The following ZFR2 variants were observed in gnomAD, a reference collection of about 807,000 sequenced individuals.
ZFR2 encodes zinc finger RNA-binding protein 2.
A neutral mutation model predicts 105.7 loss-of-function variants in ZFR2; 104 were observed. The observed-to-expected ratio is 0.98, with a 90% CI of 0.84 to 1.16. The LOEUF (loss-of-function observed/expected upper bound fraction) is 1.16. Ranked by LOEUF, ZFR2 falls within the 50% of genes most tolerant of loss-of-function variation. ZFR2 has a pLI of 0.00. For synonymous variants in ZFR2, 634 were observed against 597.7 expected (o/e 1.06, Z -0.89); for missense variants, 1,425 against 1,355.5 (o/e 1.05, Z -0.80).
chr19:3,827,015 G>A (rs1787540555), intron 6 of ZFR2, among the ~76,000 whole-genome samples: 1 of 152,114 alleles, frequency 6.6e-6, no homozygotes. Context: ...GCTGAGGCGG[G>A]CAGATCACTT....
intron 12 of ZFR2, among the ~76,000 whole-genome samples, chr19:3,817,556 C>T (rs999564717): frequency 3.8e-5 from 5 of 131,828 alleles, no homozygotes; most frequent in Non-Finnish European, 7.9e-5. Context: ...AAGACTCCAT[C>T]TCAAAATAAT....
In ZFR2 at chr19:3,819,069, C is replaced by A; in HGVS notation, c.1907G>T (p.Arg636Leu). 6.2e-7 allele frequency: 1 copy of A among 1,612,190 alleles called. No homozygotes were observed. Among genetic ancestry groups the A allele is most frequent in the Non-Finnish European group, 8.5e-7 (1 of 1,179,692 alleles). ...DTLAEEDRGRREEEGDKRSSV... is the reference protein window; with the variant it reads ...DTLAEEDRGRLEEEGDKRSSV... ...CCTGCGCTTGTCACCCTCTTCCTCT[C>A]GGCGGCCCCGGTCCTCCTCGGCCAG... The change falls in exon 12 of 19, where the codon CGA (arginine) becomes CTA (leucine). Residue 636 changes from arginine to leucine, a missense_variant. Arg to Leu is a moderately radical substitution (Grantham distance 102, BLOSUM62 -2). Coordinates refer to ENST00000262961, the MANE Select transcript of ZFR2 (RefSeq NM_015174.2).
In ZFR2 at chr19:3,839,536, CAAAAAAAAAAAAAAAAAAAAAAAAA is replaced by C. The variant is rs60712587; in HGVS notation, c.54-4578_54-4554del. ...CCTGGGTGACAGAGCGGGATTCTGT[CAAAAAAAAAAAAAAAAAAAAAAAAA>C]AAAAAAAAAAAAAAAAAGCAGAAAG... On this transcript the variant is annotated intron_variant, in intron 1 of 18. Coordinates refer to ENST00000262961, the MANE Select transcript of ZFR2 (RefSeq NM_015174.2). 2.3e-3 allele frequency among the ~76,000 whole-genome samples: 86 copies of C among 36,638 alleles called. 2 individuals carry two copies. Among genetic ancestry groups the C allele is most frequent in the Middle Eastern group, 0.024 (1 of 42 alleles). 24.0% of individuals were successfully genotyped at this position (36,638 alleles called of 152,430 possible).
chr19:3,829,009 T>C (rs1171063912), intron 5 of ZFR2, among the ~76,000 whole-genome samples: 1 of 151,120 alleles, frequency 6.6e-6, no homozygotes, highest in Non-Finnish European at 1.5e-5. Context: ...TTGCCCAGGC[T>C]GGAGTGCAGT....
intron 5 of ZFR2, among the ~76,000 whole-genome samples, chr19:3,828,516 C>G (rs763493261): frequency 6.6e-6 from 1 of 152,138 alleles, no homozygotes; most frequent in African/African-American, 2.4e-5. Flanking sequence ...ACCTGCTGCC[C>G]GAAGGATAGT....
chr19:3,819,730 T>C lies in ZFR2; in HGVS notation c.1740+452A>G, dbSNP rs574964217. ...AGCCCGGCGTGGTGGCGGGCGCCCATAGTCCTGGCTACTCAGGAGGCTGAG... is the reference window on the plus strand; with the variant it reads ...AGCCCGGCGTGGTGGCGGGCGCCCACAGTCCTGGCTACTCAGGAGGCTGAG... On this transcript the variant is annotated intron_variant, in intron 11 of 18. Transcript: ENST00000262961. Among the ~76,000 whole-genome samples the C allele has an allele frequency of 3.9e-5, 6 of 152,070 alleles. No individual in the cohort carries two copies. In the East Asian group the frequency reaches 7.8e-4, roughly 20 times the overall value.
chr19:3,853,680 G>A (rs990761324), intron 1 of ZFR2, among the ~76,000 whole-genome samples: 1 of 152,082 alleles, frequency 6.6e-6, no homozygotes, highest in African/African-American at 2.4e-5. Flanking sequence ...CTGAAGGAGG[G>A]GTTAAAAGTA....
In ZFR2 at chr19:3,823,294, G is replaced by A. The variant is rs61744821; in HGVS notation, c.1323C>T (p.Pro441=). The A allele has an allele frequency of 0.022, 34,836 of 1,613,964 alleles. 454 individuals are homozygous for A. Among genetic ancestry groups the A allele is most frequent in the Middle Eastern group, 0.028 (170 of 6,062 alleles). Reference sequence around the variant, plus strand: ...CCGGCTGCGCATCAGAGCAGCCCGCGGGAGCTTCCTTTGAGCCTCCTTGGG... The same window carrying A: ...CCGGCTGCGCATCAGAGCAGCCCGCAGGAGCTTCCTTTGAGCCTCCTTGGG... The part of the protein sequence containing the change: ...APTQGGSKEA[P]AGCSDAQPVG... The change falls in exon 8 of 19, where the codon CCC becomes CCT. Residue 441 remains proline, a synonymous_variant. Transcript: ENST00000262961. This position sits in a 1 kb window ranked among gnomAD's most constrained non-coding sequence, Gnocchi z 5.4.
Position 3,819,467 on chromosome 19 carries a change from A to T in ZFR2, c.1741-232T>A, listed in dbSNP as rs187680512. Among the ~76,000 whole-genome samples, 132 of 152,046 alleles carry T rather than the reference A, an allele frequency of 8.7e-4. 3 individuals are homozygous for T. The highest frequency in any genetic ancestry group is 2.9e-3 in the African/African-American group (120 of 41,452). Reference sequence around the variant, plus strand: ...GGTCTGAGTGAAGGAATGGGGGGAAACTCCGCCACCTTTGGCCATATTCTT... The same window carrying T: ...GGTCTGAGTGAAGGAATGGGGGGAATCTCCGCCACCTTTGGCCATATTCTT... On this transcript the variant is annotated intron_variant, in intron 11 of 18. Transcript: ENST00000262961.
intron 1 of ZFR2, among the ~76,000 whole-genome samples, chr19:3,857,604 G>C (rs2038321780): frequency 6.7e-6 from 1 of 149,128 alleles, no homozygotes. Flanking sequence ...ACTGAGGTAT[G>C]AGAATCACTT....
Position 3,835,059 on chromosome 19 carries a change from T to C in ZFR2, c.54-76A>G, listed in dbSNP as rs1335514402. ...AGGTGCACTGAGTTGACGGTGTCAA[T>C]TCCAGCCACCACTGGACCTGAGCTG... On this transcript the variant is annotated intron_variant, in intron 1 of 18. Coordinates refer to ENST00000262961, the MANE Select transcript of ZFR2 (RefSeq NM_015174.2). 3.3e-6 allele frequency: 5 copies of C among 1,494,636 alleles called. No individual in the cohort carries two copies. The East Asian group carries it at 7.3e-5, about 22-fold the overall frequency. The allele number at this position is 1,494,636 out of a possible 1,614,324, so 92.6% of individuals were successfully genotyped here.
intron 1 of ZFR2, among the ~76,000 whole-genome samples, chr19:3,844,639 G>A (rs1451880175): frequency 1.3e-5 from 2 of 152,160 alleles, no homozygotes; most frequent in African/African-American, 4.8e-5. Flanking sequence ...AAAGTACTGG[G>A]ATTACATGTG....
At position 3,806,077 on chromosome 19, in the gene ZFR2, T is replaced by C. The variant is rs993770756; in HGVS notation, c.2692A>G (p.Met898Val). 7.3e-6 allele frequency: 11 copies of C among 1,516,194 alleles called. No individual in the cohort carries two copies. Among genetic ancestry groups the C allele is most frequent in the Non-Finnish European group, 9.7e-6 (11 of 1,132,520 alleles). The allele number at this position is 1,516,194 out of a possible 1,614,324, so 93.9% of individuals were successfully genotyped here. A position where few individuals can be genotyped will look rare whatever the true frequency, so the allele number is the denominator to read the frequency against. ...AFRQTHKVLG[M>V]DLLPPRHRLG... ...CGGTGTCTGGGCGGCAGGAGATCCA[T>C]GCCCAGGACCTTGTGGGTCTGCCGG... The change falls in exon 19 of 19, where the codon ATG becomes GTG. Residue 898 changes from methionine to valine, a missense_variant. By Grantham distance (21) the Met-to-Val change is conservative. Coordinates refer to ENST00000262961, the MANE Select transcript of ZFR2 (RefSeq NM_015174.2).
chr19:3,833,745 T>G lies in ZFR2; in HGVS notation c.298A>C (p.Arg100=). ...AAGTACGGCCTGTCCTCATAGCTCC[T>G]GGCAGCTGCTGACTGTCCGTAGCTG... ...SYSYGQSAAA[R]SYEDRPYFQS... Residue 100 remains arginine, a synonymous_variant, in exon 3 of 19, where the codon AGG becomes CGG. Coordinates refer to ENST00000262961, the MANE Select transcript of ZFR2 (RefSeq NM_015174.2). 6.3e-7 allele frequency: 1 copy of G among 1,582,220 alleles called. No homozygotes were observed. Among genetic ancestry groups the G allele is most frequent in the South Asian group, 1.2e-5 (1 of 86,408 alleles).
chr19:3,833,889 G>A (rs113201881), intron 2 of ZFR2, 111 bp from the exon 3 acceptor site: 151 of 842,218 alleles, frequency 1.8e-4, no homozygotes, highest in East Asian at 3.0e-4. Context: ...TTCCTGCAGC[G>A]CTGGCTCCTA....
chr19:3,854,901 A>C (rs2038280690), intron 1 of ZFR2, among the ~76,000 whole-genome samples: 1 of 152,024 alleles, frequency 6.6e-6, no homozygotes, highest in African/African-American at 2.4e-5. Flanking sequence ...CTGAGACTAC[A>C]GGTGTGCACC....
intron 1 of ZFR2, among the ~76,000 whole-genome samples, chr19:3,839,492 C>G (rs1490861042): frequency 1.6e-5 from 2 of 122,448 alleles, no homozygotes; most frequent in Non-Finnish European, 3.2e-5. Context: ...TGAGCCGAGA[C>G]CGCTCCATTC....
chr19:3,813,272 C>G lies in ZFR2; in HGVS notation c.2242+548G>C, dbSNP rs1178122203. The stretch of plus-strand genomic sequence containing the variant: ...GGGAGCACAGACGTGCAGTGTGTTA[C>G]TGATGCCTGTCTTCGCTGTGGCCGC... On this transcript the variant is annotated intron_variant, in intron 14 of 18. Coordinates refer to ENST00000262961, the MANE Select transcript of ZFR2 (RefSeq NM_015174.2). This position sits in a 1 kb window ranked among gnomAD's most constrained non-coding sequence, Gnocchi z 4.4. Among the ~76,000 whole-genome samples the G allele has an allele frequency of 6.6e-6, 1 of 152,260 alleles. No individual in the cohort carries two copies. The highest frequency in any genetic ancestry group is 6.5e-5 in the Admixed American group (1 of 15,288).
intron 1 of ZFR2, among the ~76,000 whole-genome samples, chr19:3,864,782 C>G (rs1267299739): frequency 6.6e-6 from 1 of 152,134 alleles, no homozygotes; most frequent in Non-Finnish European, 1.5e-5. Flanking sequence ...GACTCCCGCT[C>G]TGTCACCCAG....
Sources: allele counts gnomAD v4.1 joint callset (sites outside exome capture counted in the v4.1 genomes callset), GRCh38; gene constraint gnomAD v4.1.1; non-coding constraint Gnocchi (gnomAD v3.1); transcripts MANE v1.5; gene names NCBI Gene and HGNC (gene_info 2026-07-23, HGNC 2026-07-21).